DNAH7: variants seen among roughly 807,000 people sequenced by gnomAD.
DNAH7 encodes the protein axonemal beta dynein heavy chain 7.
A neutral mutation model predicts 444.6 loss-of-function variants in DNAH7; 397 were observed. That is an observed-to-expected ratio of 0.89 (90% CI 0.82 to 0.97). The LOEUF is 0.97. Ranked by LOEUF, DNAH7 falls within the 50% of genes least tolerant of loss-of-function variation. DNAH7 has a pLI of 0.00. For missense variants in DNAH7, 4,902 were observed against 4,800.8 expected, an observed-to-expected ratio of 1.02 and a Z score of -0.62; for synonymous variants, 1,636 against 1,624.4, an observed-to-expected ratio of 1.01 and a Z score of -0.17.
intron 49 of DNAH7, among the ~76,000 whole-genome samples, chr2:195,820,293 T>TG (rs1190660865): frequency 6.7e-6 from 1 of 150,368 alleles, no homozygotes; most frequent in African/African-American, 2.4e-5. Context: ...TGGGGCCTGT[T>TG]GGGGGGTATG....
At chr2:196,005,105 C>T (rs1694284436) in intron 10 of DNAH7, among the ~76,000 whole-genome samples, 1 of 151,258 alleles carries the variant, frequency 6.6e-6, no homozygotes, top group Non-Finnish European at 1.5e-5. Context: ...CCCGTTTCTA[C>T]TAAAAATACA....
chr2:196,044,299 G>A (rs1407942971), intron 5 of DNAH7, among the ~76,000 whole-genome samples: 1 of 151,856 alleles, frequency 6.6e-6, no homozygotes, highest in African/African-American at 2.4e-5. Context: ...CAGCAACGTG[G>A]ATGGAGTTGG....
chr2:196,018,968 A>C (rs1029681820), intron 9 of DNAH7, among the ~76,000 whole-genome samples: 3 of 152,138 alleles, frequency 2.0e-5, no homozygotes, highest in African/African-American at 4.8e-5. Flanking sequence ...CAAAAAATTA[A>C]AAAATTTAAA....
At position 195,919,793 on chromosome 2, in the gene DNAH7, T is replaced by C. The variant is rs190857611; in HGVS notation, c.3935+2295A>G. 2.2e-3 allele frequency among the ~76,000 whole-genome samples: 329 copies of C among 152,318 alleles called. 1 individual carries two copies. Among genetic ancestry groups the C allele is most frequent in the African/African-American group, 7.5e-3 (310 of 41,570 alleles). ...TTATAGAGATGACTGGGTTGATAAA[T>C]AGCCACTGTCATTTCCTGAGATGGG... is the stretch of plus-strand genomic sequence containing the variant. On this transcript the variant is annotated intron_variant, in intron 24 of 64. Coordinates refer to ENST00000312428, the MANE Select transcript of DNAH7 (RefSeq NM_018897.3).
intron 55 of DNAH7, among the ~76,000 whole-genome samples, chr2:195,797,784 C>A (rs1013633410): frequency 6.6e-6 from 1 of 152,180 alleles, no homozygotes. Context: ...CAGTTTGTTG[C>A]TTAAAACCCT....
chr2:195,840,712 C>T (rs1698632622), intron 47 of DNAH7, among the ~76,000 whole-genome samples: 1 of 151,742 alleles, frequency 6.6e-6, no homozygotes, highest in South Asian at 2.1e-4. Context: ...AATAGTTGAA[C>T]ACAATCTTTT....
intron 17 of DNAH7, among the ~76,000 whole-genome samples, chr2:195,961,603 G>A (rs1283628921): frequency 1.3e-5 from 2 of 152,134 alleles, no homozygotes; most frequent in African/African-American, 2.4e-5. Context: ...AGGCTGAATA[G>A]CATTCCCCTA....
At chr2:195,816,296 C>G (rs1186098303) in intron 51 of DNAH7, among the ~76,000 whole-genome samples, 2 of 152,248 alleles carry the variant, frequency 1.3e-5, no homozygotes, top group African/African-American at 4.8e-5. Flanking sequence ...CCAGTTCGTA[C>G]AGGAGTCATA....
chr2:195,783,420 G>C (rs950736446), intron 58 of DNAH7, among the ~76,000 whole-genome samples: 1 of 152,152 alleles, frequency 6.6e-6, no homozygotes, highest in Non-Finnish European at 1.5e-5. Context: ...CCTCTGTAAG[G>C]ATCTTTCCCA....
Position 195,960,311 on chromosome 2 carries a change from G to C in DNAH7, c.2840C>G (p.Thr947Arg). The change falls in exon 18 of 65, where the codon ACA becomes AGA. Residue 947 changes from threonine to arginine, a missense_variant. Physicochemically the swap from Thr to Arg is moderately conservative, Grantham distance 71. Coordinates refer to ENST00000312428, the MANE Select transcript of DNAH7 (RefSeq NM_018897.3). ...GAAAGGAGATCCTCGCATAGTTTGT[G>C]TTTTAATAATATGGTCATCCAACAA... ...QMLLDDHIIK[T>R]QTMRGSPFIK... 1 of 1,613,762 alleles carries C rather than the reference G, an allele frequency of 6.2e-7. No homozygotes were observed. Among genetic ancestry groups the C allele is most frequent in the Non-Finnish European group, 8.5e-7 (1 of 1,179,994 alleles).
Position 195,855,797 on chromosome 2 carries a change from A to G in DNAH7, c.8595+14T>C, listed in dbSNP as rs751672237. ...ACTGAGAATTTGTCCATCTTTTTCT[A>G]TATCAGCACACACCTGGTTTTCCAG... On this transcript the variant is annotated intron_variant, in intron 45 of 64. Transcript: ENST00000312428. 21 of 1,609,210 alleles carry G rather than the reference A, an allele frequency of 1.3e-5. No individual in the cohort carries two copies. The highest frequency in any genetic ancestry group is 8.9e-5 in the East Asian group (4 of 44,830).
At chr2:195,900,101 A>C (rs1686608644) in intron 28 of DNAH7, among the ~76,000 whole-genome samples, 181 bp downstream of exon 28, 3 of 152,192 alleles carry the variant, frequency 2.0e-5, no homozygotes. Context: ...TACACGTGTA[A>C]GGTTTTACAA....
chr2:195,966,021 T>C (rs988348022), intron 17 of DNAH7, among the ~76,000 whole-genome samples: 2 of 152,098 alleles, frequency 1.3e-5, no homozygotes, highest in African/African-American at 4.8e-5. Flanking sequence ...CTTGCTTTTC[T>C]AGTTCCTTAA....
chr2:196,007,709 C>A (rs1006446157), intron 10 of DNAH7, among the ~76,000 whole-genome samples: 1 of 152,068 alleles, frequency 6.6e-6, no homozygotes, highest in African/African-American at 2.4e-5. Context: ...ATGTGAGTTC[C>A]CCTACACATG....
intron 61 of DNAH7, among the ~76,000 whole-genome samples, chr2:195,765,741 G>A (rs960067754): frequency 6.6e-6 from 1 of 152,162 alleles, no homozygotes; most frequent in Non-Finnish European, 1.5e-5. Flanking sequence ...ATGCAGGTGA[G>A]AATGTGGAGA....
rs1403740921 is a variant in DNAH7 at position 195,875,739 on chromosome 2, A to G, written c.6222T>C (p.Asp2074=). The G allele has an allele frequency of 7.4e-6, 12 of 1,613,180 alleles. No individual in the cohort carries two copies. Among genetic ancestry groups the G allele is most frequent in the African/African-American group, 1.3e-5 (1 of 74,894 alleles). ...GTTTAATCATGGAACAATCTTTTAG[A>G]TCATACCAGTTCCAGTGGTCTAACC... is the stretch of plus-strand genomic sequence containing the variant. ...RQWLDHWNWY[D]LKDCSMIKLV... The change falls in exon 38 of 65, where the codon GAT becomes GAC. Residue 2074 remains aspartate, a synonymous_variant. Transcript: ENST00000312428.
chr2:196,022,854 T>C (rs1385108612), intron 8 of DNAH7, among the ~76,000 whole-genome samples: 2 of 152,226 alleles, frequency 1.3e-5, no homozygotes, highest in African/African-American at 2.4e-5. Flanking sequence ...GAAATCACTA[T>C]AGTAGATATA....
At chr2:195,836,037 G>C (rs1698354891) in intron 47 of DNAH7, among the ~76,000 whole-genome samples, 1 of 152,156 alleles carries the variant, frequency 6.6e-6, no homozygotes. Flanking sequence ...TAAGGTTTCA[G>C]CAGGTTTGGT....
chr2:195,796,808 A>G, intron 55 of DNAH7, 71 bp from the exon 56 acceptor site: 1 of 1,493,502 alleles, frequency 6.7e-7, no homozygotes, highest in East Asian at 2.3e-5. Flanking sequence ...TTTTTTTAAA[A>G]GTTAACATTG....
Sources: allele counts gnomAD v4.1 joint callset (sites outside exome capture counted in the v4.1 genomes callset), GRCh38; gene constraint gnomAD v4.1.1; transcripts MANE v1.5; gene names NCBI Gene and HGNC (gene_info 2026-07-23, HGNC 2026-07-21).